Variants in HMOX2 observed in about 807,000 individuals in gnomAD.
The protein encoded by HMOX2 is heme oxygenase 2.
A neutral mutation model predicts 33.7 loss-of-function variants in HMOX2; 30 were observed. That is an observed-to-expected ratio of 0.89 (90% CI 0.67 to 1.21). HMOX2 has a LOEUF of 1.21. Ranked by LOEUF, HMOX2 falls within the 50% of genes most tolerant of loss-of-function variation. The pLI is 0.00. For synonymous variants in HMOX2, 155 were observed against 155.0 expected (o/e 1.00, Z 0.00); for missense variants, 403 against 399.1 (o/e 1.01, Z -0.08).
intron 1 of HMOX2, among the ~76,000 whole-genome samples, chr16:4,477,876 G>A (rs189961542): frequency 5.3e-5 from 8 of 151,502 alleles, no homozygotes; most frequent in Admixed American, 2.0e-4. Context: ...AGCTGAGATC[G>A]CATCACTGCA....
chr16:4,501,105 G>C (rs17881433), intron 1 of HMOX2, among the ~76,000 whole-genome samples: 2 of 152,062 alleles, frequency 1.3e-5, no homozygotes, highest in African/African-American at 2.4e-5. Flanking sequence ...TGGTTTGCTT[G>C]GTCCAATTCC....
At chr16:4,483,160 GGT>G (rs35532266) in intron 1 of HMOX2, among the ~76,000 whole-genome samples, 1,429 of 131,558 alleles carry the variant, frequency 0.011, 10 homozygotes, top group Admixed American at 0.017. Context: ...TGCAAACCCT[GGT>G]GTGTGTGTGT....
intron 1 of HMOX2, among the ~76,000 whole-genome samples, chr16:4,487,508 T>C (rs2058199058): frequency 6.6e-6 from 1 of 150,866 alleles, no homozygotes; most frequent in Non-Finnish European, 1.5e-5. Flanking sequence ...CCATGTCTAC[T>C]AAAAATATAA....
chr16:4,505,766 A>G (rs180855378), intron 2 of HMOX2, among the ~76,000 whole-genome samples, 156 bp downstream of exon 2: 1 of 152,340 alleles, frequency 6.6e-6, no homozygotes, highest in Admixed American at 6.5e-5. Context: ...GACCGCATAC[A>G]GCTTCGGCTG....
intron 4 of HMOX2, among the ~76,000 whole-genome samples, chr16:4,508,963 G>A (rs1255143307): frequency 6.6e-6 from 1 of 152,222 alleles, no homozygotes; most frequent in Admixed American, 6.5e-5. Flanking sequence ...CCATCAGGCA[G>A]TGCAGCTGCC....
chr16:4,489,735 AG>A (rs1258262793), intron 1 of HMOX2, among the ~76,000 whole-genome samples: 2 of 152,170 alleles, frequency 1.3e-5, no homozygotes, highest in East Asian at 3.9e-4. Flanking sequence ...CTGGGATTAC[AG>A]GTGTGAGCCA....
intron 1 of HMOX2, among the ~76,000 whole-genome samples, chr16:4,497,771 A>G (rs997115297): frequency 1.4e-5 from 2 of 146,186 alleles, no homozygotes; most frequent in East Asian, 1.9e-4. Context: ...TATTCAATGT[A>G]TTTTTTGAGA....
chr16:4,477,114 A>G (rs917215919), intron 1 of HMOX2, among the ~76,000 whole-genome samples: 5 of 151,908 alleles, frequency 3.3e-5, no homozygotes, highest in Non-Finnish European at 7.4e-5. Context: ...TTACTTTCTG[A>G]GCGCAGTGCT....
chr16:4,492,203 G>A (rs1248491994), intron 1 of HMOX2, among the ~76,000 whole-genome samples: 1 of 151,954 alleles, frequency 6.6e-6, no homozygotes, highest in Non-Finnish European at 1.5e-5. Context: ...GCATAGTGGT[G>A]CGCACATGTA....
chr16:4,478,533 C>T (rs1476750734), intron 1 of HMOX2, among the ~76,000 whole-genome samples: 1 of 151,822 alleles, frequency 6.6e-6, no homozygotes, highest in East Asian at 1.9e-4. Context: ...GGCGGATCAC[C>T]TGAGGTCGGG....
chr16:4,484,262 C>G (rs899351693), intron 1 of HMOX2, among the ~76,000 whole-genome samples: 63 of 152,254 alleles, frequency 4.1e-4, no homozygotes, highest in African/African-American at 1.5e-3. Context: ...GCGTGAGCCA[C>G]TGCACCCGGC....
At chr16:4,491,531 A>T (rs2058305929) in intron 1 of HMOX2, among the ~76,000 whole-genome samples, 1 of 151,964 alleles carries the variant, frequency 6.6e-6, no homozygotes, top group African/African-American at 2.4e-5. Context: ...GCATGCCTGT[A>T]GTCCCAGGTA....
chr16:4,480,079 G>C (rs1341372064), intron 1 of HMOX2, among the ~76,000 whole-genome samples: 1 of 151,154 alleles, frequency 6.6e-6, no homozygotes, highest in Non-Finnish European at 1.5e-5. Context: ...ACAGAGTCTG[G>C]CTCTTTCACC....
rs139279048 is a variant in HMOX2, at chr16:4,506,958, C to T, written c.150C>T (p.Asn50=). 179 of 1,613,984 alleles carry T rather than the reference C, an allele frequency of 1.1e-4. No individual in the cohort carries two copies. Among genetic ancestry groups the T allele is most frequent in the Middle Eastern group, 1.6e-4 (1 of 6,084 alleles). Residue 50 remains asparagine, a synonymous_variant, in exon 3 of 6, where the codon AAC becomes AAT. Coordinates refer to ENST00000570646, the MANE Select transcript of HMOX2 (RefSeq NM_002134.4). ...GTKEAHDRAE[N]TQFVKDFLKG... is the part of the protein sequence containing the mutation. ...AGGAAGCACACGACCGGGCAGAAAACACCCAGTTTGTCAAGGACTTCTTGA... is the reference window on the plus strand; with the variant it reads ...AGGAAGCACACGACCGGGCAGAAAATACCCAGTTTGTCAAGGACTTCTTGA...
At chr16:4,503,235 G>A (rs962080517) in intron 1 of HMOX2, among the ~76,000 whole-genome samples, 10 of 152,008 alleles carry the variant, frequency 6.6e-5, no homozygotes, top group Non-Finnish European at 1.2e-4. Flanking sequence ...GTAAGTGGAC[G>A]CACAGCTGGG....
At chr16:4,487,951 CA>C (rs71139635) in intron 1 of HMOX2, among the ~76,000 whole-genome samples, 1,395 of 70,652 alleles carry the variant, frequency 0.02, 11 homozygotes, top group African/African-American at 0.023. Context: ...AACTCTGTCT[CA>C]AAAAAAAAAA....
chr16:4,507,107 A>G lies in HMOX2; in HGVS notation c.204+95A>G, dbSNP rs2141608263. ...AGTGCCCCTGGAGCCACTCTGAGGGAAAAGCTGGGCTTTTCTCCACACTCC... is the reference window on the plus strand; with the variant it reads ...AGTGCCCCTGGAGCCACTCTGAGGGGAAAGCTGGGCTTTTCTCCACACTCC... On this transcript the variant is annotated intron_variant, in intron 3 of 5. Coordinates refer to ENST00000570646, the MANE Select transcript of HMOX2 (RefSeq NM_002134.4). 7.6e-6 allele frequency: 6 copies of G among 794,158 alleles called. No individual in the cohort carries two copies. The East Asian group carries it at 9.8e-5, about 13-fold the overall frequency. 49.2% of individuals were successfully genotyped at this position (794,158 alleles called of 1,614,324 possible).
At chr16:4,486,334 G>T (rs1022020576) in intron 1 of HMOX2, among the ~76,000 whole-genome samples, 1 of 152,194 alleles carries the variant, frequency 6.6e-6, no homozygotes, top group Non-Finnish European at 1.5e-5. Context: ...GTGTCCCCAT[G>T]TGTAGGCAGT....
chr16:4,482,770 G>C (rs553908868), intron 1 of HMOX2, among the ~76,000 whole-genome samples: 5 of 152,172 alleles, frequency 3.3e-5, no homozygotes, highest in African/African-American at 4.8e-5. Context: ...GTTCATGCCT[G>C]TAATCCCAGC....
Sources: allele counts gnomAD v4.1 joint callset (sites outside exome capture counted in the v4.1 genomes callset), GRCh38; gene constraint gnomAD v4.1.1; transcripts MANE v1.5; gene names NCBI Gene and HGNC (gene_info 2026-07-23, HGNC 2026-07-21).